Variants in HGF observed in about 807,000 individuals in gnomAD.
HGF encodes the protein fibroblast-derived tumor cytotoxic factor.
Under a neutral mutation model 111.6 loss-of-function variants are expected in HGF, and 39 were observed. That is an observed-to-expected ratio of 0.35 (90% CI 0.27 to 0.46). The LOEUF (loss-of-function observed/expected upper bound fraction) is 0.46, where lower values mean the gene tolerates loss of function less well. Among genes scored for constraint, HGF ranks in the 20% least tolerant of loss-of-function variants. HGF has a pLI of 1.00. For synonymous variants in HGF, 285 were observed against 294.8 expected, an observed-to-expected ratio of 0.97 and a Z score of 0.34; for missense variants, 735 against 910.5, an observed-to-expected ratio of 0.81 and a Z score of 2.48.
chr7:81,763,072 A>G, intron 1 of HGF, 200 bp from the exon 2 acceptor site: 1 of 566,064 alleles, frequency 1.8e-6, no homozygotes, highest in Non-Finnish European at 3.1e-6. Flanking sequence ...AAAAACAAAT[A>G]ACTTGTCATG....
chr7:81,702,816 C>G, intron 17 of HGF, 59 bp from the exon 18 acceptor site: 1 of 1,377,342 alleles, frequency 7.3e-7, no homozygotes, highest in Non-Finnish European at 1.0e-6. Context: ...AGCTCATTAA[C>G]ATAATCATAT....
chr7:81,705,756 G>GA lies in HGF; in HGVS notation c.1758-4dup, dbSNP rs1413440491. On this transcript the variant is annotated splice_region_variant and splice_polypyrimidine_tract_variant and intron_variant, in intron 15 of 17. Transcript: ENST00000222390. ...CAAAATCATCCAGGACAGCAGGCCT[G>GA]AAAACACAAAATACAATGGTAAGTA... 6.4e-7 allele frequency: 1 copy of GA among 1,566,582 alleles called. No individual in the cohort carries two copies. Among genetic ancestry groups the GA allele is most frequent in the Non-Finnish European group, 8.8e-7 (1 of 1,138,206 alleles).
chr7:81,756,272 C>G (rs930775169), intron 4 of HGF: 6 of 527,370 alleles, frequency 1.1e-5, no homozygotes, highest in Non-Finnish European at 2.0e-5. Context: ...TAAAACTACC[C>G]GCTGTGTGGT....
rs530308510 is a variant in HGF, at chr7:81,700,072, C to T, written c.*2509G>A. On this transcript the variant is annotated 3_prime_UTR_variant, in exon 18 of 18. Coordinates refer to ENST00000222390, the MANE Select transcript of HGF (RefSeq NM_000601.6). ...TGTCTACAATTATAACAGTACATAA[C>T]CATTATTCAAACAGCCAAACCAAAA... 6.6e-6 allele frequency: 1 copy of T among 151,802 alleles called. No individual in the cohort carries two copies. The highest frequency in any genetic ancestry group is 2.1e-4 in the South Asian group (1 of 4,824). 9.4% of individuals were successfully genotyped at this position (151,802 alleles called of 1,614,324 possible).
At chr7:81,710,279 A>C in intron 12 of HGF, 36 bp from the exon 13 acceptor site, 1 of 1,395,626 alleles carries the variant, frequency 7.2e-7, no homozygotes, top group Non-Finnish European at 1.0e-6. Flanking sequence ...TTTTAAAATA[A>C]GAATTTGAAA....
intron 1 of HGF, among the ~76,000 whole-genome samples, chr7:81,766,091 TCCTAGTGAAAA>T (rs1789343684): frequency 6.6e-6 from 1 of 152,168 alleles, no homozygotes; most frequent in African/African-American, 2.4e-5. Flanking sequence ...ATCATTAGGA[TCCTAGTGAAAA>T]CCTACACACA....
At chr7:81,762,600 C>T (rs537364446) in intron 2 of HGF, 107 bp downstream of exon 2, 5 of 912,724 alleles carry the variant, frequency 5.5e-6, no homozygotes, top group South Asian at 2.7e-5. Flanking sequence ...GTCAAACTTA[C>T]AATTTTATGA....
chr7:81,702,858 A>G, intron 17 of HGF, 101 bp from the exon 18 acceptor site: 1 of 957,388 alleles, frequency 1.0e-6, no homozygotes, highest in Non-Finnish European at 1.6e-6. Context: ...ATATACAGAA[A>G]AAGAGAATAA....
At chr7:81,734,475 G>T (rs970512260) in intron 7 of HGF, among the ~76,000 whole-genome samples, 1 of 152,098 alleles carries the variant, frequency 6.6e-6, no homozygotes. Context: ...CACTTTGCTG[G>T]TGTGGTTGTG....
At chr7:81,738,464 G>C (rs1787905760) in intron 7 of HGF, among the ~76,000 whole-genome samples, 1 of 152,088 alleles carries the variant, frequency 6.6e-6, no homozygotes, top group Non-Finnish European at 1.5e-5. Context: ...CAGAATATTT[G>C]TGGGCTGATG....
intron 7 of HGF, among the ~76,000 whole-genome samples, chr7:81,739,733 C>A (rs1787946105): frequency 1.3e-5 from 2 of 151,944 alleles, no homozygotes; most frequent in Admixed American, 1.3e-4. Flanking sequence ...GAACTTGAGC[C>A]CCTTAAGCAA....
At chr7:81,743,503 A>T in intron 6 of HGF, 32 bp from the exon 7 acceptor site, 1 of 1,391,654 alleles carries the variant, frequency 7.2e-7, no homozygotes, top group Non-Finnish European at 1.0e-6. Flanking sequence ...GTGTCACGTA[A>T]ATCTGCCTGG....
intron 7 of HGF, among the ~76,000 whole-genome samples, chr7:81,736,243 A>T (rs1317122850): frequency 6.6e-6 from 1 of 152,096 alleles, no homozygotes; most frequent in Non-Finnish European, 1.5e-5. Flanking sequence ...AGAAGTAAAC[A>T]ATTCATACGT....
intron 11 of HGF, among the ~76,000 whole-genome samples, 183 bp downstream of exon 11, chr7:81,717,049 A>T (rs1789731233): frequency 6.6e-6 from 1 of 152,130 alleles, no homozygotes; most frequent in South Asian, 2.1e-4. Context: ...AGAGATGGAG[A>T]GAGAGAAAGA....
chr7:81,742,999 A>G, intron 7 of HGF: 1 of 1,543,634 alleles, frequency 6.5e-7, no homozygotes, highest in Non-Finnish European at 9.0e-7. Flanking sequence ...GTAAGGAACT[A>G]AGGTCCTAGC....
intron 1 of HGF, among the ~76,000 whole-genome samples, chr7:81,768,626 G>A (rs915718069): frequency 6.6e-5 from 10 of 152,192 alleles, no homozygotes; most frequent in South Asian, 4.2e-4. Flanking sequence ...TGATCTGCCC[G>A]CCTCGGCCTC....
intron 7 of HGF, among the ~76,000 whole-genome samples, chr7:81,731,487 G>C (rs1314700771): frequency 1.3e-5 from 2 of 152,024 alleles, no homozygotes; most frequent in Admixed American, 6.6e-5. Context: ...AAAAATTATT[G>C]GACTTGGGGA....
intron 9 of HGF, among the ~76,000 whole-genome samples, chr7:81,724,637 G>C (rs1183566284): frequency 1.3e-5 from 2 of 152,144 alleles, no homozygotes; most frequent in Non-Finnish European, 2.9e-5. Flanking sequence ...TAAATTGTGT[G>C]TCACCGGGGT....
At chr7:81,705,209 A>G (rs985660563) in intron 17 of HGF, among the ~76,000 whole-genome samples, 181 bp downstream of exon 17, 1 of 151,904 alleles carries the variant, frequency 6.6e-6, no homozygotes, top group African/African-American at 2.4e-5. Flanking sequence ...TAAAACATTG[A>G]TTATCTCACT....
Sources: gnomAD v4.1 joint callset for allele counts (sites outside exome capture counted in the v4.1 genomes callset) on GRCh38, gnomAD v4.1.1 for gene constraint, MANE v1.5 for transcripts, NCBI Gene and HGNC (gene_info 2026-07-23, HGNC 2026-07-21) for gene names.